The following GPC5 variants were observed in gnomAD, a reference collection of about 807,000 sequenced individuals.
The protein encoded by GPC5 is glypican-5.
A neutral mutation model predicts 53.9 loss-of-function variants in GPC5; 47 were observed. The ratio of observed to expected loss-of-function variants is 0.87; its 90% CI spans 0.69 to 1.11. The LOEUF (loss-of-function observed/expected upper bound fraction) is 1.11, where lower values mean the gene tolerates loss of function less well. GPC5 is among the 50% of genes most tolerant of loss of function. The pLI is 0.00. For missense variants in GPC5, 748 were observed against 713.1 expected (o/e 1.05, Z -0.56); for synonymous variants, 286 against 263.3 (o/e 1.09, Z -0.84).
chr13:92,237,471 G>A (rs1340847752), intron 7 of GPC5, among the ~76,000 whole-genome samples: 1 of 152,046 alleles, frequency 6.6e-6, no homozygotes, highest in Non-Finnish European at 1.5e-5. Flanking sequence ...GCCTGCCTTA[G>A]CCTCCCAAAA....
chr13:91,777,770 C>G (rs992830760), intron 5 of GPC5, among the ~76,000 whole-genome samples: 2 of 151,860 alleles, frequency 1.3e-5, no homozygotes, highest in Admixed American at 6.6e-5. Flanking sequence ...TTGCTATTTT[C>G]TTTTCCTCAA....
At chr13:92,577,388 C>G (rs923297244) in intron 7 of GPC5, among the ~76,000 whole-genome samples, 3 of 147,226 alleles carry the variant, frequency 2.0e-5, no homozygotes, top group Non-Finnish European at 3.0e-5. Context: ...AGATAAACAT[C>G]GACATGAATG....
chr13:92,427,207 A>G (rs1048612335), intron 7 of GPC5, among the ~76,000 whole-genome samples: 4 of 151,462 alleles, frequency 2.6e-5, no homozygotes, highest in African/African-American at 9.7e-5. Flanking sequence ...GTTGGAAGCT[A>G]AGAAGGAGAT....
chr13:91,820,283 A>T (rs2038470970), intron 5 of GPC5, among the ~76,000 whole-genome samples: 1 of 151,868 alleles, frequency 6.6e-6, no homozygotes, highest in Non-Finnish European at 1.5e-5. Flanking sequence ...GTTTTTTGGG[A>T]GGCTTTAAAA....
chr13:91,705,079 G>T (rs1594454918), intron 3 of GPC5, among the ~76,000 whole-genome samples: 1 of 152,280 alleles, frequency 6.6e-6, no homozygotes, highest in East Asian at 1.9e-4. Flanking sequence ...TGTGAGGATG[G>T]AGAAGGTTTA....
At chr13:91,902,160 C>A (rs1292084071) in intron 5 of GPC5, among the ~76,000 whole-genome samples, 14 of 151,916 alleles carry the variant, frequency 9.2e-5, no homozygotes. Context: ...GAATACTATA[C>A]TTTTGGTGTG....
intron 7 of GPC5, among the ~76,000 whole-genome samples, chr13:92,423,210 T>C (rs1190159459): frequency 6.6e-6 from 1 of 152,152 alleles, no homozygotes; most frequent in East Asian, 1.9e-4. Context: ...TACCTCCAAA[T>C]GCCATCACGC....
At chr13:91,883,775 T>G (rs573646828) in intron 5 of GPC5, among the ~76,000 whole-genome samples, 3 of 152,302 alleles carry the variant, frequency 2.0e-5, no homozygotes, top group African/African-American at 7.2e-5. Context: ...AAAGATTTTT[T>G]TTATTTTTAT....
intron 7 of GPC5, among the ~76,000 whole-genome samples, chr13:92,384,110 C>G: frequency 7.4e-6 from 1 of 134,882 alleles, no homozygotes; most frequent in Non-Finnish European, 1.6e-5. Flanking sequence ...GATAGATACA[C>G]ACATTGTTTT....
chr13:92,724,719 G>GA (rs1366762606), intron 7 of GPC5, among the ~76,000 whole-genome samples: 1 of 151,614 alleles, frequency 6.6e-6, no homozygotes, highest in Non-Finnish European at 1.5e-5. Context: ...GAGGGGAAGG[G>GA]AAAATGGGGA....
chr13:91,904,140 C>T (rs149023704), intron 5 of GPC5, among the ~76,000 whole-genome samples: 7 of 94,636 alleles, frequency 7.4e-5, no homozygotes, highest in East Asian at 6.5e-4. Context: ...TCTTTTCTTT[C>T]TTTTTTTTTT....
chr13:91,653,795 C>T (rs1197946954), intron 2 of GPC5, among the ~76,000 whole-genome samples: 1 of 152,044 alleles, frequency 6.6e-6, no homozygotes, highest in East Asian at 1.9e-4. Flanking sequence ...TTTTTAACAG[C>T]TTTCAGGCAT....
At chr13:91,717,941 T>C (rs1268799331) in intron 3 of GPC5, among the ~76,000 whole-genome samples, 4 of 152,170 alleles carry the variant, frequency 2.6e-5, no homozygotes, top group South Asian at 2.1e-4. Context: ...GAAAATATGG[T>C]CATATCGATT....
intron 2 of GPC5, among the ~76,000 whole-genome samples, chr13:91,518,926 TC>T (rs1195597586): frequency 1.3e-5 from 2 of 152,180 alleles, no homozygotes; most frequent in African/African-American, 4.8e-5. Flanking sequence ...CAAGCAGTTC[TC>T]ACATCATCTG....
intron 2 of GPC5, among the ~76,000 whole-genome samples, chr13:91,544,626 A>G (rs1187726157): frequency 6.6e-6 from 1 of 152,208 alleles, no homozygotes; most frequent in African/African-American, 2.4e-5. Context: ...CAGCTATTGT[A>G]TCTAAAGAGT....
At chr13:91,803,805 C>G (rs1054466099) in intron 5 of GPC5, among the ~76,000 whole-genome samples, 3 of 149,576 alleles carry the variant, frequency 2.0e-5, no homozygotes, top group African/African-American at 5.0e-5. Context: ...CACACACACA[C>G]AGAGGAAAAG....
intron 7 of GPC5, among the ~76,000 whole-genome samples, chr13:92,263,585 G>A (rs1392397216): frequency 6.6e-6 from 1 of 151,984 alleles, no homozygotes; most frequent in Non-Finnish European, 1.5e-5. Flanking sequence ...ATATATAGTG[G>A]GGTAGAAGGT....
At chr13:92,836,427 C>CA (rs1878221105) in intron 7 of GPC5, among the ~76,000 whole-genome samples, 2 of 152,016 alleles carry the variant, frequency 1.3e-5, no homozygotes, top group African/African-American at 2.4e-5. Flanking sequence ...CTAACAACAA[C>CA]AAAAAAATCA....
intron 7 of GPC5, among the ~76,000 whole-genome samples, chr13:92,278,341 C>A (rs1387799428): frequency 6.6e-6 from 1 of 151,888 alleles, no homozygotes; most frequent in African/African-American, 2.4e-5. Flanking sequence ...AGAAGTGCTT[C>A]CAATCTGAAT....
Sources: allele counts gnomAD v4.1 joint callset (sites outside exome capture counted in the v4.1 genomes callset), GRCh38; gene constraint gnomAD v4.1.1; transcripts MANE v1.5; gene names NCBI Gene and HGNC (gene_info 2026-07-23, HGNC 2026-07-21).